GALNTL6: variants seen among roughly 807,000 people sequenced by gnomAD.
GALNTL6 encodes the protein polypeptide N-acetylgalactosaminyltransferase like 6.
In GALNTL6, 46 loss-of-function variants were observed where a neutral mutation model predicts 73.7. That is an observed-to-expected ratio of 0.62 (90% CI 0.49 to 0.80). The LOEUF is 0.80. Among genes scored for constraint, GALNTL6 ranks in the 30% least tolerant of loss-of-function variants. The probability of loss-of-function intolerance (pLI) is 0.00; values close to 1 mark genes in which losing one functional copy is unlikely to be tolerated. For missense variants in GALNTL6, 604 were observed against 755.0 expected, an observed-to-expected ratio of 0.80 and a Z score of 2.34; for synonymous variants, 259 against 263.7, an observed-to-expected ratio of 0.98 and a Z score of 0.17.
intron 4 of GALNTL6, among the ~76,000 whole-genome samples, chr4:172,319,605 A>T (rs79740605): frequency 2.7e-4 from 41 of 152,314 alleles, no homozygotes; most frequent in African/African-American, 9.6e-4. Context: ...TACTTTATCA[A>T]GATTAGAAAT....
At chr4:172,548,180 C>T (rs2332518) in intron 5 of GALNTL6, among the ~76,000 whole-genome samples, 126,189 of 151,702 alleles carry the variant, frequency 0.83, 52,612 homozygotes, top group Non-Finnish European at 0.87. Flanking sequence ...AATGAAGGGT[C>T]AAAAGAATTA....
intron 2 of GALNTL6, among the ~76,000 whole-genome samples, chr4:171,988,462 C>T (rs182424800): frequency 4.1e-4 from 63 of 152,008 alleles, no homozygotes; most frequent in African/African-American, 1.1e-3. Flanking sequence ...TAAGTGAAAG[C>T]GAAGAGAGGC....
At chr4:172,291,853 A>G (rs1481978743) in intron 3 of GALNTL6, among the ~76,000 whole-genome samples, 11 of 152,114 alleles carry the variant, frequency 7.2e-5, no homozygotes, top group Non-Finnish European at 1.5e-5. Flanking sequence ...AGCAATGGCT[A>G]TTTTAGGAGA....
At chr4:172,313,207 G>A (rs866833795) in intron 4 of GALNTL6, among the ~76,000 whole-genome samples, 2 of 144,426 alleles carry the variant, frequency 1.4e-5, no homozygotes, top group Admixed American at 7.4e-5. Context: ...CTCACTGCAA[G>A]CTCCGCCTCC....
At chr4:172,011,241 A>C (rs1740996356) in intron 2 of GALNTL6, among the ~76,000 whole-genome samples, 1 of 152,090 alleles carries the variant, frequency 6.6e-6, no homozygotes, top group Non-Finnish European at 1.5e-5. Flanking sequence ...GTGTGAGCTT[A>C]AGTGAAACTT....
intron 5 of GALNTL6, among the ~76,000 whole-genome samples, chr4:172,790,742 A>C (rs1256655294): frequency 2.6e-5 from 4 of 151,920 alleles, no homozygotes; most frequent in Non-Finnish European, 5.9e-5. Context: ...AATACAAAAA[A>C]AATTAGCTGG....
At chr4:172,330,452 G>T (rs1012962517) in intron 4 of GALNTL6, among the ~76,000 whole-genome samples, 2 of 152,166 alleles carry the variant, frequency 1.3e-5, no homozygotes, top group African/African-American at 4.8e-5. Context: ...TGCCTTGTTT[G>T]TCTTTGCTTT....
intron 5 of GALNTL6, among the ~76,000 whole-genome samples, chr4:172,717,566 A>G (rs1476004753): frequency 6.6e-6 from 1 of 152,220 alleles, no homozygotes; most frequent in Non-Finnish European, 1.5e-5. Flanking sequence ...GGGTTGATAT[A>G]CATTGGAAAA....
chr4:173,002,836 T>C (rs1457936727), intron 10 of GALNTL6, among the ~76,000 whole-genome samples: 1 of 146,864 alleles, frequency 6.8e-6, no homozygotes, highest in Admixed American at 6.8e-5. Context: ...TAAAAGGAAA[T>C]GAAGTTCCGA....
At chr4:172,377,919 T>G (rs368248874) in intron 5 of GALNTL6, among the ~76,000 whole-genome samples, 1 of 149,844 alleles carries the variant, frequency 6.7e-6, no homozygotes, top group South Asian at 2.2e-4. Flanking sequence ...CCCATGCCTC[T>G]TCCTCCACAC....
chr4:172,205,665 T>C (rs923325534), intron 2 of GALNTL6, among the ~76,000 whole-genome samples: 1 of 152,210 alleles, frequency 6.6e-6, no homozygotes, highest in Non-Finnish European at 1.5e-5. Flanking sequence ...GGCAGTGTTA[T>C]CAGAGAAGCT....
At chr4:172,758,509 C>T (rs1737883030) in intron 5 of GALNTL6, among the ~76,000 whole-genome samples, 1 of 152,210 alleles carries the variant, frequency 6.6e-6, no homozygotes, top group Non-Finnish European at 1.5e-5. Flanking sequence ...GCACTCCAGC[C>T]TGGGTGACAG....
Position 171,923,786 on chromosome 4 carries a change from C to CTGTGTGTGTGTGTGTGTG in GALNTL6, c.138+109092_138+109109dup, listed in dbSNP as rs563244976. On this transcript the variant is annotated intron_variant, in intron 2 of 12. Transcript: ENST00000506823. ...CTACCAGGACACACAAAAAGTATTGCTGTGTGTGTGTGTGTGTGTGTGTGT... is the reference window on the plus strand; with the variant it reads ...CTACCAGGACACACAAAAAGTATTGCTGTGTGTGTGTGTGTGTGTGTGTGTGTGTGTGTGTGTGTGTGT... Among the ~76,000 whole-genome samples the CTGTGTGTGTGTGTGTGTG allele has an allele frequency of 7.8e-3, 1,037 of 133,258 alleles. 11 individuals carry two copies. Among genetic ancestry groups the CTGTGTGTGTGTGTGTGTG allele is most frequent in the East Asian group, 0.011 (45 of 4,234 alleles). The allele number at this position is 133,258 out of a possible 152,430, so 87.4% of individuals were successfully genotyped here.
At chr4:172,762,820 G>T (rs1046758176) in intron 5 of GALNTL6, among the ~76,000 whole-genome samples, 1 of 147,376 alleles carries the variant, frequency 6.8e-6, no homozygotes, top group African/African-American at 2.5e-5. Flanking sequence ...AAGTAACATC[G>T]ATTTATGCAT....
intron 2 of GALNTL6, among the ~76,000 whole-genome samples, chr4:172,212,514 A>G (rs1354115374): frequency 2.0e-5 from 3 of 152,158 alleles, no homozygotes; most frequent in African/African-American, 7.2e-5. Context: ...CATGTAAAAT[A>G]TAATGGATTT....
chr4:172,746,926 G>A (rs1373892593), intron 5 of GALNTL6, among the ~76,000 whole-genome samples: 1 of 152,028 alleles, frequency 6.6e-6, no homozygotes, highest in Admixed American at 6.6e-5. Flanking sequence ...TTGCTGACAT[G>A]ATCTTCTATA....
At chr4:172,500,674 AG>A (rs1028010558) in intron 5 of GALNTL6, among the ~76,000 whole-genome samples, 1 of 152,038 alleles carries the variant, frequency 6.6e-6, no homozygotes, top group Non-Finnish European at 1.5e-5. Context: ...AGCTTAAGGA[AG>A]TTTTTTTTTT....
At chr4:173,004,694 T>A (rs1022211385) in intron 10 of GALNTL6, among the ~76,000 whole-genome samples, 1 of 152,148 alleles carries the variant, frequency 6.6e-6, no homozygotes, top group Non-Finnish European at 1.5e-5. Context: ...AGCATCTTAA[T>A]TTTTTTGCCA....
At chr4:172,386,457 A>G (rs560347627) in intron 5 of GALNTL6, among the ~76,000 whole-genome samples, 4 of 152,248 alleles carry the variant, frequency 2.6e-5, no homozygotes, top group Admixed American at 2.6e-4. Context: ...TGTTATAATC[A>G]TTCTGCAGAG....
Sources: gnomAD v4.1 joint callset for allele counts (sites outside exome capture counted in the v4.1 genomes callset) on GRCh38, gnomAD v4.1.1 for gene constraint, MANE v1.5 for transcripts, NCBI Gene and HGNC (gene_info 2026-07-23, HGNC 2026-07-21) for gene names.